The following XPR1 variants were observed in gnomAD, a reference collection of about 807,000 sequenced individuals.
XPR1 encodes solute carrier family 53 member 1.
Under a neutral mutation model 87.5 loss-of-function variants are expected in XPR1, and 28 were observed. The observed-to-expected ratio is 0.32, with a 90% CI of 0.24 to 0.44. XPR1 has a LOEUF of 0.44. Ranked by LOEUF, XPR1 falls within the 20% of genes least tolerant of loss-of-function variation. The pLI is 1.00. For missense variants in XPR1, 559 were observed against 862.3 expected, an observed-to-expected ratio of 0.65 and a Z score of 4.41; for synonymous variants, 300 against 306.1, an observed-to-expected ratio of 0.98 and a Z score of 0.21.
At chr1:180,874,029 G>T in intron 13 of XPR1, 87 bp downstream of exon 13, 1 of 1,387,388 alleles carries the variant, frequency 7.2e-7, no homozygotes, top group South Asian at 1.5e-5. Context: ...ATTATAACTT[G>T]TACTTGAAAA....
chr1:180,658,552 G>GT (rs1407343266), intron 1 of XPR1, among the ~76,000 whole-genome samples: 29 of 151,112 alleles, frequency 1.9e-4, no homozygotes, highest in Admixed American at 5.3e-4. Flanking sequence ...TGATCATATG[G>GT]TTTTTTTTTG....
chr1:180,653,503 A>T (rs1361310303), intron 1 of XPR1, among the ~76,000 whole-genome samples: 1 of 152,066 alleles, frequency 6.6e-6, no homozygotes, highest in African/African-American at 2.4e-5. Flanking sequence ...AATACTTGGC[A>T]ATTATTGGGC....
At chr1:180,873,963 T>G in intron 13 of XPR1, 21 bp downstream of exon 13, 4 of 1,601,904 alleles carry the variant, frequency 2.5e-6, no homozygotes, top group Non-Finnish European at 3.4e-6. Flanking sequence ...TACTGAAAAG[T>G]TTATTAAAGA....
chr1:180,797,407 C>T (rs1649626979), intron 3 of XPR1, among the ~76,000 whole-genome samples: 1 of 152,110 alleles, frequency 6.6e-6, no homozygotes, highest in East Asian at 1.9e-4. Flanking sequence ...TTGAGATTAG[C>T]CTTGCAAAAC....
chr1:180,856,509 C>T (rs1226872814), intron 11 of XPR1, among the ~76,000 whole-genome samples: 3 of 152,168 alleles, frequency 2.0e-5, no homozygotes, highest in African/African-American at 7.2e-5. Flanking sequence ...GTTTTCTGGG[C>T]TTCCTCCACC....
intron 11 of XPR1, among the ~76,000 whole-genome samples, chr1:180,857,501 G>A (rs760740697): frequency 2.6e-5 from 4 of 152,038 alleles, no homozygotes; most frequent in Admixed American, 2.0e-4. Flanking sequence ...TATTCTGCTT[G>A]AAATGGTTCT....
At chr1:180,827,913 A>G (rs1012178871) in intron 9 of XPR1, among the ~76,000 whole-genome samples, 19 of 135,448 alleles carry the variant, frequency 1.4e-4, no homozygotes, top group African/African-American at 2.2e-4. Context: ...GTCTGGCTCT[A>G]TTGCCCAGGC....
intron 3 of XPR1, among the ~76,000 whole-genome samples, chr1:180,797,424 G>A (rs1041325847): frequency 1.3e-5 from 2 of 152,134 alleles, no homozygotes; most frequent in African/African-American, 4.8e-5. Context: ...AAACGAGTAA[G>A]GAGTTTTCCA....
chr1:180,694,061 G>C (rs11811353), intron 2 of XPR1, among the ~76,000 whole-genome samples: 5,178 of 152,168 alleles, frequency 0.034, 132 homozygotes, highest in African/African-American at 0.07. Context: ...GAGCTCAGTA[G>C]ACTGTCCCAC....
chr1:180,838,026 A>G (rs762528619), intron 11 of XPR1, among the ~76,000 whole-genome samples: 13 of 152,238 alleles, frequency 8.5e-5, no homozygotes, highest in African/African-American at 2.9e-4. Context: ...AGGGGCACCA[A>G]CCTCTCACAC....
At chr1:180,796,374 A>G (rs543630262) in intron 3 of XPR1, among the ~76,000 whole-genome samples, 2 of 152,180 alleles carry the variant, frequency 1.3e-5, no homozygotes, top group Non-Finnish European at 2.9e-5. Flanking sequence ...AATATTGAAT[A>G]TGATTTTTTC....
At chr1:180,775,233 C>A (rs951520624) in intron 2 of XPR1, among the ~76,000 whole-genome samples, 2 of 152,146 alleles carry the variant, frequency 1.3e-5, no homozygotes, top group African/African-American at 4.8e-5. Context: ...GAGTAAGTCA[C>A]CAGAGTAGTT....
intron 2 of XPR1, among the ~76,000 whole-genome samples, chr1:180,757,667 C>T (rs898694644): frequency 5.3e-5 from 8 of 151,736 alleles, no homozygotes; most frequent in African/African-American, 1.9e-4. Flanking sequence ...CAGGTGCACA[C>T]CACCATGCCT....
intron 2 of XPR1, among the ~76,000 whole-genome samples, chr1:180,757,901 G>A (rs1387144709): frequency 8.0e-6 from 1 of 124,778 alleles, no homozygotes; most frequent in African/African-American, 3.0e-5. Flanking sequence ...AAAAAAGCCT[G>A]TACATACCCC....
At chr1:180,703,375 A>C (rs1657427341) in intron 2 of XPR1, among the ~76,000 whole-genome samples, 2 of 152,056 alleles carry the variant, frequency 1.3e-5, no homozygotes, top group Admixed American at 1.3e-4. Context: ...GGCAGAGCAG[A>C]CCTATCTGCA....
chr1:180,694,867 A>G (rs1306845763), intron 2 of XPR1, among the ~76,000 whole-genome samples: 3 of 152,052 alleles, frequency 2.0e-5, no homozygotes, highest in African/African-American at 7.2e-5. Context: ...TAGTGCTGCA[A>G]TATGCATGTT....
chr1:180,690,154 TAAA>T (rs762817354), intron 2 of XPR1, among the ~76,000 whole-genome samples: 2 of 129,190 alleles, frequency 1.5e-5, no homozygotes, highest in African/African-American at 2.9e-5. Flanking sequence ...AGACTCTGTC[TAAA>T]AAAAAAAAAA....
In XPR1 at chr1:180,802,449, C is replaced by T. The variant is rs1438616564; in HGVS notation, c.224-939C>T. On this transcript the variant is annotated intron_variant, in intron 3 of 14. Coordinates refer to ENST00000367590, the MANE Select transcript of XPR1 (RefSeq NM_004736.4). ...GGGTAGTGGGAAATACAGGAGATTA[C>T]AGATCTAAAGCCCAAATTCTAATCC... 2.0e-5 allele frequency among the ~76,000 whole-genome samples: 3 copies of T among 152,178 alleles called. No homozygotes were observed. In the East Asian group the frequency reaches 5.8e-4, roughly 29 times the overall value.
chr1:180,722,218 C>T (rs1377473626), intron 2 of XPR1, among the ~76,000 whole-genome samples: 1 of 152,084 alleles, frequency 6.6e-6, no homozygotes, highest in Non-Finnish European at 1.5e-5. Context: ...CAGTGAGCCT[C>T]CCAAGTAGCT....
Sources: gnomAD v4.1 joint callset for allele counts (sites outside exome capture counted in the v4.1 genomes callset) on GRCh38, gnomAD v4.1.1 for gene constraint, MANE v1.5 for transcripts, NCBI Gene and HGNC (gene_info 2026-07-23, HGNC 2026-07-21) for gene names.